Variants in STON2 observed in about 807,000 individuals in gnomAD.
The protein encoded by STON2 is stonin 2, also known as stonin-2.
In STON2, 29 loss-of-function variants were observed where a neutral mutation model predicts 65.7. The ratio of observed to expected loss-of-function variants is 0.44; its 90% CI spans 0.33 to 0.60. The LOEUF (loss-of-function observed/expected upper bound fraction) is 0.60, where lower values mean the gene tolerates loss of function less well. Among genes scored for constraint, STON2 ranks in the 20% least tolerant of loss-of-function variants. The probability of loss-of-function intolerance (pLI) is 0.03; values close to 1 mark genes in which losing one functional copy is unlikely to be tolerated. For missense variants in STON2, 1,054 were observed against 1,118.1 expected, an observed-to-expected ratio of 0.94 and a Z score of 0.82; for synonymous variants, 404 against 414.2, an observed-to-expected ratio of 0.98 and a Z score of 0.30.
At chr14:81,405,917 T>A (rs1299058415) in intron 2 of STON2, among the ~76,000 whole-genome samples, 2 of 152,202 alleles carry the variant, frequency 1.3e-5, no homozygotes, top group Non-Finnish European at 2.9e-5. Flanking sequence ...GTGGGTACCA[T>A]CTAATCAGTA....
At chr14:81,340,027 G>T (rs578217470) in intron 4 of STON2, among the ~76,000 whole-genome samples, 1 of 152,144 alleles carries the variant, frequency 6.6e-6, no homozygotes, top group East Asian at 1.9e-4. Flanking sequence ...GGTGGCGGGC[G>T]CCTGTAGTCC....
intron 4 of STON2, among the ~76,000 whole-genome samples, chr14:81,370,530 T>C (rs552951083): frequency 6.6e-6 from 1 of 152,350 alleles, no homozygotes; most frequent in East Asian, 1.9e-4. Context: ...ATTTGTAGTC[T>C]GGACACAGTG....
intron 5 of STON2, among the ~76,000 whole-genome samples, chr14:81,289,297 A>G (rs563063269): frequency 6.6e-6 from 1 of 152,168 alleles, no homozygotes; most frequent in Non-Finnish European, 1.5e-5. Flanking sequence ...CAGGCTTTGT[A>G]AGATGATTCT....
At chr14:81,386,976 G>A (rs1899839303) in intron 3 of STON2, among the ~76,000 whole-genome samples, 1 of 152,088 alleles carries the variant, frequency 6.6e-6, no homozygotes, top group African/African-American at 2.4e-5. Flanking sequence ...CCCGGTACCT[G>A]GTGGAATTTT....
Position 81,396,255 on chromosome 14 carries a change from G to C in STON2, c.89-77C>G. Reference sequence around the variant, plus strand: ...GCCATCTCATGGAGGCAAAAACTAAGGATGACCATGGGGTGCCCGCATGAC... The same window carrying C: ...GCCATCTCATGGAGGCAAAAACTAACGATGACCATGGGGTGCCCGCATGAC... On this transcript the variant is annotated intron_variant, in intron 2 of 7. Transcript: ENST00000614646. 2.1e-6 allele frequency: 3 copies of C among 1,445,410 alleles called. No individual in the cohort carries two copies. In the South Asian group the frequency reaches 4.1e-5, roughly 20 times the overall value. 89.5% of individuals were successfully genotyped at this position (1,445,410 alleles called of 1,614,324 possible).
intron 5 of STON2, among the ~76,000 whole-genome samples, chr14:81,295,745 T>C (rs376938221): frequency 4.6e-5 from 7 of 152,348 alleles, no homozygotes; most frequent in African/African-American, 1.7e-4. Flanking sequence ...TCAAAGCACA[T>C]TGGTTTTACA....
At chr14:81,384,528 GC>G (rs1899697390) in intron 3 of STON2, among the ~76,000 whole-genome samples, 1 of 152,094 alleles carries the variant, frequency 6.6e-6, no homozygotes, top group African/African-American at 2.4e-5. Context: ...AAGCCATCGC[GC>G]CCAGCCCCTA....
chr14:81,329,556 C>G (rs900812526), intron 4 of STON2, among the ~76,000 whole-genome samples: 5 of 151,994 alleles, frequency 3.3e-5, no homozygotes, highest in Non-Finnish European at 5.9e-5. Context: ...CAAGGAAAGC[C>G]AAGGACTGCC....
rs1192910833 is a variant in STON2, at chr14:81,260,664, A to T, written c.*7750T>A. 2.0e-5 allele frequency: 3 copies of T among 152,324 alleles called. No individual in the cohort carries two copies. Among genetic ancestry groups the T allele is most frequent in the Non-Finnish European group, 4.4e-5 (3 of 68,148 alleles). 9.4% of individuals were successfully genotyped at this position (152,324 alleles called of 1,614,324 possible). A position where few individuals can be genotyped will look rare whatever the true frequency, so the allele number is the denominator to read the frequency against. Reference sequence around the variant, plus strand: ...TGGCATAGTGATATTTTGTTCAAAAATTTTTTATTAATAATTCATTTTCAT... The same window carrying T: ...TGGCATAGTGATATTTTGTTCAAAATTTTTTTATTAATAATTCATTTTCAT... On this transcript the variant is annotated 3_prime_UTR_variant, in exon 8 of 8. Coordinates refer to ENST00000614646, the MANE Select transcript of STON2 (RefSeq NM_001394390.1).
At chr14:81,433,805 C>T (rs1385977493) in intron 1 of STON2, among the ~76,000 whole-genome samples, 1 of 152,206 alleles carries the variant, frequency 6.6e-6, no homozygotes, top group African/African-American at 2.4e-5. Flanking sequence ...CTGACTTACA[C>T]TGGACATGCA....
At chr14:81,399,836 T>C (rs965598385) in intron 1 of STON2, among the ~76,000 whole-genome samples, 3 of 152,148 alleles carry the variant, frequency 2.0e-5, no homozygotes, top group African/African-American at 7.2e-5. Context: ...CCAGGCTAAG[T>C]GGAAGAGTTT....
intron 3 of STON2, among the ~76,000 whole-genome samples, chr14:81,374,836 A>T (rs1286051737): frequency 2.6e-5 from 4 of 151,974 alleles, no homozygotes; most frequent in Admixed American, 1.3e-4. Flanking sequence ...ACTGGTTGAA[A>T]ATTCCCTAGA....
intron 2 of STON2, chr14:81,418,386 C>T (rs994454661): frequency 2.6e-5 from 4 of 152,154 alleles, no homozygotes; most frequent in East Asian, 1.9e-4. Context: ...TCCTATAATA[C>T]GTGGGAATTC....
At chr14:81,365,661 T>C (rs61986592) in intron 4 of STON2, among the ~76,000 whole-genome samples, 54,766 of 151,854 alleles carry the variant, frequency 0.36, 10,149 homozygotes, top group South Asian at 0.51. Flanking sequence ...GAGGCTGAGA[T>C]GGGAGGATCA....
intron 4 of STON2, among the ~76,000 whole-genome samples, chr14:81,369,514 A>G (rs756649127): frequency 6.6e-6 from 1 of 152,214 alleles, no homozygotes; most frequent in Non-Finnish European, 1.5e-5. Flanking sequence ...GCAACTCTCC[A>G]AAGCAACAAG....
In STON2 at chr14:81,370,864, TAAC is replaced by T. The variant is rs923074912; in HGVS notation, c.571+121_571+123del. ...TTTGGGTTCTAGCTTTTTGACTGGA[TAAC>T]AACACCTGAACTCATTCTGCAAAGG... On this transcript the variant is annotated intron_variant, in intron 4 of 7. Coordinates refer to ENST00000614646, the MANE Select transcript of STON2 (RefSeq NM_001394390.1). The T allele has an allele frequency of 9.3e-6, 8 of 861,062 alleles. No homozygotes were observed. The African/African-American group carries it at 1.2e-4, about 13-fold the overall frequency. 53.3% of individuals were successfully genotyped at this position (861,062 alleles called of 1,614,324 possible).
upstream of STON2, among the ~76,000 whole-genome samples, chr14:81,402,691 A>G (rs1900665715): frequency 6.6e-6 from 1 of 152,096 alleles, no homozygotes; most frequent in African/African-American, 2.4e-5. Flanking sequence ...AACGAGTTTG[A>G]GCTCTGGAGC....
At chr14:81,409,853 T>C (rs1901062773) in intron 2 of STON2, among the ~76,000 whole-genome samples, 1 of 152,272 alleles carries the variant, frequency 6.6e-6, no homozygotes, top group African/African-American at 2.4e-5. Context: ...CAATAATTCC[T>C]ATTCCTGCTT....
rs770403525 is a variant in STON2, at chr14:81,276,898, CACCT to C, written c.2580_2581+2del. 8 of 1,605,734 alleles carry C rather than the reference CACCT, an allele frequency of 5.0e-6. No homozygotes were observed. The highest frequency in any genetic ancestry group is 6.8e-6 in the Non-Finnish European group (8 of 1,173,884). On this transcript the variant is annotated splice_donor_variant and coding_sequence_variant, in exon 6 of 8. Transcript: ENST00000614646. LOFTEE classifies it high-confidence loss of function. ...TTTTCACAGAAGAGGAACCACCACC[CACCT>C]GAGTTTTTGTCCGGCAGTCGGTTTA... is the stretch of plus-strand genomic sequence containing the variant.
Sources: allele counts gnomAD v4.1 joint callset (sites outside exome capture counted in the v4.1 genomes callset), GRCh38; gene constraint gnomAD v4.1.1; transcripts MANE v1.5; gene names NCBI Gene and HGNC (gene_info 2026-07-23, HGNC 2026-07-21).